Variants in HSD17B4 observed in about 807,000 individuals in gnomAD.
HSD17B4 encodes the protein peroxisomal multifunctional enzyme type 2.
Under a neutral mutation model 101.0 loss-of-function variants are expected in HSD17B4, and 70 were observed. The ratio of observed to expected loss-of-function variants is 0.69; its 90% CI spans 0.57 to 0.85. HSD17B4 has a LOEUF of 0.85. Ranked by LOEUF, HSD17B4 falls within the 40% of genes least tolerant of loss-of-function variation. HSD17B4 has a pLI of 0.00. For missense variants in HSD17B4, 984 were observed against 892.4 expected (o/e 1.10, Z -1.31); for synonymous variants, 347 against 297.1 (o/e 1.17, Z -1.73).
intron 15 of HSD17B4, among the ~76,000 whole-genome samples, chr5:119,507,241 C>T (rs1580646845): frequency 6.6e-6 from 1 of 152,108 alleles, no homozygotes; most frequent in East Asian, 1.9e-4. Context: ...GACAATTAGG[C>T]TGTGTTTTAG....
chr5:119,534,540 A>T (rs893050477), intron 22 of HSD17B4, among the ~76,000 whole-genome samples: 1 of 152,082 alleles, frequency 6.6e-6, no homozygotes, highest in South Asian at 2.1e-4. Context: ...TGAGGATACC[A>T]TGTGATCATT....
In HSD17B4 at chr5:119,508,357, G is replaced by A. The variant is rs193197313; in HGVS notation, c.1334-784G>A. On this transcript the variant is annotated intron_variant, in intron 15 of 23. Transcript: ENST00000510025. The stretch of plus-strand genomic sequence containing the variant: ...TAGAATTTGTAGACAAAGTGAAATT[G>A]GTTATTCAGTTGCCTATGTGATAAA... Among the ~76,000 whole-genome samples, 63 of 152,248 alleles carry A rather than the reference G, an allele frequency of 4.1e-4. 1 individual carries two copies. The highest frequency in any genetic ancestry group is 1.5e-3 in the African/African-American group (61 of 41,558).
At chr5:119,502,528 A>T (rs1406538534) in intron 14 of HSD17B4, among the ~76,000 whole-genome samples, 1 of 104,246 alleles carries the variant, frequency 9.6e-6, no homozygotes, top group African/African-American at 3.4e-5. Flanking sequence ...GAAAATAAAA[A>T]CAAGTCTTTA....
chr5:119,491,615 A>T (rs1750115444), intron 9 of HSD17B4, among the ~76,000 whole-genome samples: 1 of 152,168 alleles, frequency 6.6e-6, no homozygotes, highest in Admixed American at 6.6e-5. Context: ...GTAGTTCACT[A>T]AGTCAAATAC....
At chr5:119,528,595 T>C (rs1172859432) in intron 20 of HSD17B4, among the ~76,000 whole-genome samples, 3 of 152,134 alleles carry the variant, frequency 2.0e-5, no homozygotes, top group African/African-American at 7.2e-5. Flanking sequence ...TAATTTGTTT[T>C]GTATGAGTAA....
At chr5:119,513,543 C>G (rs542706673) in intron 16 of HSD17B4, among the ~76,000 whole-genome samples, 1 of 152,148 alleles carries the variant, frequency 6.6e-6, no homozygotes, top group Non-Finnish European at 1.5e-5. Flanking sequence ...GCCACCACAC[C>G]TGGCTAATTT....
At chr5:119,502,879 C>A (rs921633587) in intron 14 of HSD17B4, among the ~76,000 whole-genome samples, 2 of 152,016 alleles carry the variant, frequency 1.3e-5, no homozygotes, top group Non-Finnish European at 2.9e-5. Context: ...CAAAACAGCT[C>A]TTTTTATGTG....
At chr5:119,536,204 G>A (rs908442960) in intron 22 of HSD17B4, 1 of 483,810 alleles carries the variant, frequency 2.1e-6, no homozygotes, top group Non-Finnish European at 3.8e-6. Context: ...AGAACTGGAA[G>A]TTCCACTTCT....
At chr5:119,480,189 T>G (rs1332065752) in intron 8 of HSD17B4, among the ~76,000 whole-genome samples, 1 of 152,192 alleles carries the variant, frequency 6.6e-6, no homozygotes, top group Non-Finnish European at 1.5e-5. Flanking sequence ...ATTGGATTGT[T>G]TGTTTTCTTG....
At position 119,502,031 on chromosome 5, in the gene HSD17B4, C is replaced by A; in HGVS notation, c.1210-10C>A. ...AGTTTGCTAATAAAATTTTGTTTACCCTAACATAGGTTCTTCATGGAGAGC... is the reference window on the plus strand; with the variant it reads ...AGTTTGCTAATAAAATTTTGTTTACACTAACATAGGTTCTTCATGGAGAGC... On this transcript the variant is annotated splice_polypyrimidine_tract_variant and intron_variant, in intron 13 of 23. Coordinates refer to ENST00000510025, the MANE Select transcript of HSD17B4 (RefSeq NM_000414.4). The A allele has an allele frequency of 6.3e-7, 1 of 1,593,466 alleles. No homozygotes were observed.
rs147816096 is a variant in HSD17B4 at position 119,521,078 on chromosome 5, T to C, written c.1504-4138T>C. ...TCTTAGTTGGATGAAGCTCCTTCTG[T>C]GGAAGGTTTCCCAAGAACGGCTCCT... On this transcript the variant is annotated intron_variant, in intron 17 of 23. Transcript: ENST00000510025. 3.3e-3 allele frequency among the ~76,000 whole-genome samples: 499 copies of C among 152,336 alleles called. 3 individuals carry two copies. The highest frequency in any genetic ancestry group is 0.012 in the African/African-American group (487 of 41,594).
intron 1 of HSD17B4, among the ~76,000 whole-genome samples, chr5:119,455,333 A>AT (rs1483231087): frequency 6.6e-6 from 1 of 152,168 alleles, no homozygotes; most frequent in East Asian, 1.9e-4. Context: ...CCTGGCCAAC[A>AT]TGGTGAAACC....
chr5:119,508,713 C>T (rs1751890434), intron 15 of HSD17B4, among the ~76,000 whole-genome samples: 1 of 152,316 alleles, frequency 6.6e-6, no homozygotes, highest in East Asian at 1.9e-4. Flanking sequence ...ATCCTGCCCT[C>T]ATGTGGCTTA....
intron 17 of HSD17B4, among the ~76,000 whole-genome samples, chr5:119,523,426 A>T (rs1316932765): frequency 6.6e-6 from 1 of 152,180 alleles, no homozygotes; most frequent in East Asian, 1.9e-4. Context: ...TTTCTTCAAA[A>T]TACGTAGAAG....
chr5:119,495,176 C>T (rs1750516029), intron 11 of HSD17B4, among the ~76,000 whole-genome samples: 1 of 151,774 alleles, frequency 6.6e-6, no homozygotes, highest in Non-Finnish European at 1.5e-5. Context: ...TATATTTAGA[C>T]ATTTGAGAAA....
At chr5:119,484,419 A>G (rs1047212323) in intron 8 of HSD17B4, among the ~76,000 whole-genome samples, 1 of 152,066 alleles carries the variant, frequency 6.6e-6, no homozygotes, top group Non-Finnish European at 1.5e-5. Flanking sequence ...CTCTAGTTTT[A>G]TATTAAGTCT....
intron 14 of HSD17B4, among the ~76,000 whole-genome samples, chr5:119,503,842 G>A (rs1751415535): frequency 6.6e-6 from 1 of 151,886 alleles, no homozygotes; most frequent in African/African-American, 2.4e-5. Flanking sequence ...TATTACGTGG[G>A]TGTATTGTGT....
At chr5:119,464,192 T>A (rs1306560566) in intron 2 of HSD17B4, among the ~76,000 whole-genome samples, 1 of 152,180 alleles carries the variant, frequency 6.6e-6, no homozygotes, top group African/African-American at 2.4e-5. Flanking sequence ...TTTAGTTTGA[T>A]CTAGTCCCAT....
intron 17 of HSD17B4, among the ~76,000 whole-genome samples, chr5:119,521,051 G>T (rs2126858704): frequency 6.6e-6 from 1 of 152,294 alleles, no homozygotes; most frequent in African/African-American, 2.4e-5. Flanking sequence ...TTCTTAGTCA[G>T]CTCTTAGTTG....
Sources: allele counts gnomAD v4.1 joint callset (sites outside exome capture counted in the v4.1 genomes callset), GRCh38; gene constraint gnomAD v4.1.1; transcripts MANE v1.5; gene names NCBI Gene and HGNC (gene_info 2026-07-23, HGNC 2026-07-21).